ZBTB11: variants seen among roughly 807,000 people sequenced by gnomAD.
ZBTB11 encodes zinc finger and BTB domain containing 11.
A neutral mutation model predicts 113.1 loss-of-function variants in ZBTB11; 68 were observed. The observed-to-expected ratio is 0.60, with a 90% confidence interval of 0.49 to 0.74. The LOEUF (loss-of-function observed/expected upper bound fraction) is 0.74, where lower values mean the gene tolerates loss of function less well. Among genes scored for constraint, ZBTB11 ranks in the 30% least tolerant of loss-of-function variants. The pLI, the probability that ZBTB11 is intolerant of heterozygous loss-of-function variation, is 0.00. For synonymous variants in ZBTB11, 518 were observed against 452.6 expected (o/e 1.14, Z -1.83); for missense variants, 1,104 against 1,279.4 (o/e 0.86, Z 2.09).
intron 3 of ZBTB11, among the ~76,000 whole-genome samples, chr3:101,669,353 T>C (rs73159218): frequency 1.3e-5 from 2 of 152,370 alleles, no homozygotes; most frequent in Non-Finnish European, 1.5e-5. Flanking sequence ...AAATCAAACA[T>C]ATTTTTAAAA....
chr3:101,671,803 T>C (rs1166129370), intron 2 of ZBTB11, 175 bp downstream of exon 2: 4 of 615,964 alleles, frequency 6.5e-6, no homozygotes, highest in Non-Finnish European at 1.1e-5. Flanking sequence ...TCTGAAAAAA[T>C]AACAGGAACA....
intron 4 of ZBTB11, 57 bp from the exon 5 acceptor site, chr3:101,664,771 G>A: frequency 1.3e-6 from 2 of 1,514,756 alleles, no homozygotes; most frequent in East Asian, 2.3e-5. Context: ...AATTTTTAAA[G>A]TCATGTTGTA....
At chr3:101,670,152 A>G (rs1253376585) in intron 3 of ZBTB11, among the ~76,000 whole-genome samples, 1 of 152,216 alleles carries the variant, frequency 6.6e-6, no homozygotes, top group Non-Finnish European at 1.5e-5. Flanking sequence ...CTATAAACAT[A>G]AAGCCACTGC....
intron 5 of ZBTB11, among the ~76,000 whole-genome samples, chr3:101,660,579 G>A (rs1936871100): frequency 6.6e-6 from 1 of 152,138 alleles, no homozygotes; most frequent in Non-Finnish European, 1.5e-5. Context: ...GTTTTTAAGT[G>A]CAGCTGTGCT....
chr3:101,672,244 A>G, intron 1 of ZBTB11, 31 bp from the exon 2 acceptor site: 1 of 1,466,654 alleles, frequency 6.8e-7, no homozygotes, highest in Non-Finnish European at 9.4e-7. Context: ...AGTCAAATTT[A>G]ATACTGTTAA....
At chr3:101,660,873 C>T (rs1936875357) in intron 5 of ZBTB11, among the ~76,000 whole-genome samples, 1 of 152,018 alleles carries the variant, frequency 6.6e-6, no homozygotes, top group Non-Finnish European at 1.5e-5. Context: ...ATTTGCAATA[C>T]CCTGCCCCCA....
chr3:101,675,377 T>C (rs1056768867), intron 1 of ZBTB11, among the ~76,000 whole-genome samples: 1 of 152,264 alleles, frequency 6.6e-6, no homozygotes, highest in East Asian at 1.9e-4. Context: ...GATTATCCAA[T>C]AGTTCGTAAA....
chr3:101,676,332 C>G (rs969687974), intron 1 of ZBTB11: 4 of 343,002 alleles, frequency 1.2e-5, no homozygotes, highest in Non-Finnish European at 2.1e-5. Context: ...GCAGCCCAGG[C>G]GTCCGGCCCC....
chr3:101,658,715 G>C (rs1032238801), intron 6 of ZBTB11, among the ~76,000 whole-genome samples: 2 of 152,248 alleles, frequency 1.3e-5, no homozygotes, highest in East Asian at 1.9e-4. Flanking sequence ...GCTGAGCTAT[G>C]AATGATACAA....
chr3:101,669,701 T>C (rs1937053975), intron 3 of ZBTB11, among the ~76,000 whole-genome samples: 1 of 152,170 alleles, frequency 6.6e-6, no homozygotes, highest in South Asian at 2.1e-4. Flanking sequence ...ACCACTAATC[T>C]AGAATGTAAT....
chr3:101,666,316 T>C (rs1306144889), intron 3 of ZBTB11, among the ~76,000 whole-genome samples: 1 of 152,218 alleles, frequency 6.6e-6, no homozygotes, highest in African/African-American at 2.4e-5. Flanking sequence ...AGCAACATTT[T>C]TCTGTTAAGA....
chr3:101,656,106 G>T lies in ZBTB11; in HGVS notation c.2189C>A (p.Thr730Lys). 1 of 1,546,962 alleles carries T rather than the reference G, an allele frequency of 6.5e-7. No homozygotes were observed. Among genetic ancestry groups the T allele is most frequent in the Non-Finnish European group, 8.7e-7 (1 of 1,148,616 alleles). Residue 730 changes from threonine (T) to lysine (K), a missense_variant and splice_region_variant, in exon 7 of 11, where the codon ACA becomes AAA. By Grantham distance (78) the Thr-to-Lys change is moderately conservative (BLOSUM62 -1). This residue lies in a region of ZBTB11 where 535 missense variants were observed against 518.6 expected (regional missense o/e 1.03). Transcript: ENST00000312938. ...RSLQEHMSIHTGESKYLCSVC... is the reference protein window; with the variant it reads ...RSLQEHMSIHKGESKYLCSVC... ...TGTCAATATAAATTTCTCATTACCT[G>T]TGTGAATACTCATATGTTCTTGAAG...
Position 101,665,243 on chromosome 3 carries a change from A to G in ZBTB11, c.1344T>C (p.Ser448=). ...CCATACCACTATCCTCTGGCGAGCTACTAATTACATTCTCTTTTGAAAGTT... is the reference window on the plus strand; with the variant it reads ...CCATACCACTATCCTCTGGCGAGCTGCTAATTACATTCTCTTTTGAAAGTT... ...HPKLSKENVI[S]SSPEDSGMGN... The change falls in exon 4 of 11, where the codon AGT becomes AGC. Residue 448 remains serine (S), a synonymous_variant. Coordinates refer to ENST00000312938, the MANE Select transcript of ZBTB11 (RefSeq NM_014415.4). The G allele has an allele frequency of 3.1e-6, 5 of 1,614,208 alleles. No homozygotes were observed. Among genetic ancestry groups the G allele is most frequent in the Non-Finnish European group, 4.2e-6 (5 of 1,180,028 alleles).
chr3:101,671,515 G>T (rs62282244), intron 2 of ZBTB11, 154 bp from the exon 3 acceptor site: 2 of 634,386 alleles, frequency 3.2e-6, no homozygotes, highest in Admixed American at 2.9e-5. Context: ...AAAAAGATAT[G>T]TTGTCCTATC....
intron 1 of ZBTB11, 143 bp downstream of exon 1, chr3:101,676,462 C>A: frequency 1.2e-6 from 1 of 852,652 alleles, no homozygotes; most frequent in Non-Finnish European, 1.7e-6. Flanking sequence ...CGTCCCCCAC[C>A]CTCTCGGCTC....
At chr3:101,672,586 C>T (rs1937101186) in intron 1 of ZBTB11, among the ~76,000 whole-genome samples, 1 of 152,180 alleles carries the variant, frequency 6.6e-6, no homozygotes, top group African/African-American at 2.4e-5. Flanking sequence ...CATGATGGCG[C>T]ACGCCTGTAA....
chr3:101,671,653 C>A (rs897759987), intron 2 of ZBTB11: 1 of 575,748 alleles, frequency 1.7e-6, no homozygotes, highest in African/African-American at 1.9e-5. Flanking sequence ...AAAGACCTGG[C>A]CAGATTAATT....
chr3:101,659,302 A>G (rs1013617331), intron 6 of ZBTB11, among the ~76,000 whole-genome samples: 6 of 152,228 alleles, frequency 3.9e-5, no homozygotes, highest in African/African-American at 1.4e-4. Context: ...GTGCTACTAG[A>G]AATTTTTCAC....
chr3:101,665,089 C>T lies in ZBTB11; in HGVS notation c.1498G>A (p.Asp500Asn). The stretch of plus-strand genomic sequence containing the variant: ...CGAAGCCTGCTTCTATAAGTATCAT[C>T]ATCAGGGCCAAAGTCTGTCTTTGCT... ...STAKTDFGPDDDTYRSRLRQR... is the reference protein window; with the variant it reads ...STAKTDFGPDNDTYRSRLRQR... The change falls in exon 4 of 11, where the codon GAT (aspartate) becomes AAT (asparagine). Residue 500 changes from aspartate to asparagine, a missense_variant. Transcript: ENST00000312938. 6.2e-7 allele frequency: 1 copy of T among 1,614,134 alleles called. No individual in the cohort carries two copies. The highest frequency in any genetic ancestry group is 8.5e-7 in the Non-Finnish European group (1 of 1,180,022).
Sources: gnomAD v4.1 joint callset for allele counts (sites outside exome capture counted in the v4.1 genomes callset) on GRCh38, gnomAD v4.1.1 for gene constraint, gnomAD v4.1.1 regional missense constraint, MANE v1.5 for transcripts, NCBI Gene and HGNC (gene_info 2026-07-23, HGNC 2026-07-21) for gene names.